Variants in DRC8 observed in about 807,000 individuals in gnomAD.
The protein encoded by DRC8 is dynein regulatory complex protein 8.
chr1:245,116,741 G>A, the DRC8 span, among the ~76,000 whole-genome samples: 1 of 152,158 alleles, frequency 6.6e-6, no homozygotes, highest in Non-Finnish European at 1.5e-5. Flanking sequence ...TGTTGTCAAA[G>A]TAGCATAAAA....
the DRC8 span, among the ~76,000 whole-genome samples, chr1:245,079,374 C>T: frequency 1.3e-5 from 2 of 152,196 alleles, no homozygotes; most frequent in East Asian, 3.8e-4. Context: ...TATGACCCCT[C>T]TGCTGTTCTG....
the DRC8 span, chr1:245,017,363 T>C: frequency 5.8e-6 from 9 of 1,557,398 alleles, no homozygotes; most frequent in East Asian, 2.3e-5. Flanking sequence ...CACTTTTAAA[T>C]TACTGATACA....
chr1:245,017,318 G>A, the DRC8 span: 9 of 1,583,590 alleles, frequency 5.7e-6, no homozygotes, highest in Admixed American at 3.9e-5. Context: ...ATAATACAGT[G>A]GATGTGAGGT....
the DRC8 span, chr1:245,043,871 G>A: frequency 1.3e-5 from 2 of 148,906 alleles, no homozygotes; most frequent in Non-Finnish European, 3.0e-5. Flanking sequence ...TATTGTTAAA[G>A]CTAGTTTATA....
the DRC8 span, chr1:244,970,784 T>G: frequency 2.6e-6 from 1 of 381,416 alleles, no homozygotes. Context: ...CCGTCCTCCT[T>G]CCCCCTCCCT....
chr1:245,020,195 C>T, the DRC8 span, among the ~76,000 whole-genome samples: 23 of 152,318 alleles, frequency 1.5e-4, no homozygotes, highest in South Asian at 4.4e-3. Flanking sequence ...GCTACTTTCC[C>T]TTTCCCTTAT....
At chr1:245,036,653 CA>C in the DRC8 span, among the ~76,000 whole-genome samples, 1 of 152,098 alleles carries the variant, frequency 6.6e-6, no homozygotes, top group Admixed American at 6.6e-5. Flanking sequence ...GAATATTGTT[CA>C]GCTATAAAAG....
At chr1:244,976,701 ATGG>A in the DRC8 span, among the ~76,000 whole-genome samples, 4 of 152,314 alleles carry the variant, frequency 2.6e-5, no homozygotes, top group East Asian at 7.7e-4. Flanking sequence ...GCAATGAGAA[ATGG>A]TGCAGCTACT....
At chr1:245,063,361 T>C in the DRC8 span, among the ~76,000 whole-genome samples, 2 of 152,202 alleles carry the variant, frequency 1.3e-5, no homozygotes, top group African/African-American at 4.8e-5. Flanking sequence ...ATTCCAGACC[T>C]CTTGGTCAAG....
the DRC8 span, among the ~76,000 whole-genome samples, chr1:245,014,355 T>C: frequency 6.6e-6 from 1 of 152,152 alleles, no homozygotes; most frequent in South Asian, 2.1e-4. Flanking sequence ...ATTCATAACA[T>C]AGAAAACAGA....
the DRC8 span, among the ~76,000 whole-genome samples, chr1:245,075,046 G>A: frequency 2.3e-3 from 355 of 152,228 alleles, 1 homozygote; most frequent in African/African-American, 7.4e-3. Flanking sequence ...CTTGTTTTTT[G>A]TGAAGCATGA....
the DRC8 span, among the ~76,000 whole-genome samples, chr1:244,989,302 T>G: frequency 1.3e-5 from 2 of 152,194 alleles, no homozygotes; most frequent in Non-Finnish European, 2.9e-5. Flanking sequence ...TAATGTCCTT[T>G]TCTGCTCCGG....
At chr1:245,104,372 C>T in the DRC8 span, among the ~76,000 whole-genome samples, 9 of 152,074 alleles carry the variant, frequency 5.9e-5, no homozygotes, top group African/African-American at 1.2e-4. Flanking sequence ...GGTGTGGTGG[C>T]GCATGCCTGT....
At chr1:245,064,328 A>G in the DRC8 span, among the ~76,000 whole-genome samples, 11 of 152,174 alleles carry the variant, frequency 7.2e-5, no homozygotes, top group African/African-American at 2.2e-4. Context: ...AGTGATAAGA[A>G]CTGGGCCAGG....
chr1:245,086,813 G>C, the DRC8 span: 1 of 533,750 alleles, frequency 1.9e-6, no homozygotes, highest in Non-Finnish European at 3.8e-6. Context: ...AGATCTCAGA[G>C]CTCGTGAGAG....
the DRC8 span, among the ~76,000 whole-genome samples, chr1:245,040,310 A>G: frequency 6.6e-6 from 1 of 152,192 alleles, no homozygotes; most frequent in Non-Finnish European, 1.5e-5. Flanking sequence ...CTCTTGGTGA[A>G]ATATGCAGAC....
At chr1:245,020,531 A>G in the DRC8 span, among the ~76,000 whole-genome samples, 3 of 151,770 alleles carry the variant, frequency 2.0e-5, no homozygotes, top group Non-Finnish European at 4.4e-5. Context: ...TGAAGTCATA[A>G]CTATTTTCAT....
At chr1:244,970,603 C>T in the DRC8 span, 3 of 818,108 alleles carry the variant, frequency 3.7e-6, no homozygotes, top group Non-Finnish European at 5.2e-6. Context: ...AGCAGTCGCC[C>T]TGCCCCCGTC....
the DRC8 span, among the ~76,000 whole-genome samples, chr1:245,013,854 A>G: frequency 6.6e-6 from 1 of 151,906 alleles, no homozygotes; most frequent in Non-Finnish European, 1.5e-5. Context: ...AATATGGTGA[A>G]ACCCCGTCTC....
Sources: allele counts gnomAD v4.1 joint callset (sites outside exome capture counted in the v4.1 genomes callset), GRCh38; gene constraint gnomAD v4.1.1; transcripts MANE v1.5; gene names NCBI Gene and HGNC (gene_info 2026-07-23, HGNC 2026-07-21).